The following SDK1 variants were observed in gnomAD, a reference collection of about 807,000 sequenced individuals.
SDK1 encodes sidekick cell adhesion molecule 1, also known as protein sidekick-1.
In SDK1, 157 loss-of-function variants were observed where a neutral mutation model predicts 245.5. The ratio of observed to expected loss-of-function variants is 0.64; its 90% CI spans 0.56 to 0.73. The LOEUF is 0.73. Ranked by LOEUF, SDK1 falls within the 30% of genes least tolerant of loss-of-function variation. The pLI is 0.00. For synonymous variants in SDK1, 1,647 were observed against 1,278.5 expected, an observed-to-expected ratio of 1.29 and a Z score of -6.15; for missense variants, 3,583 against 3,002.3, an observed-to-expected ratio of 1.19 and a Z score of -4.52.
At position 4,051,848 on chromosome 7, in the gene SDK1, C is replaced by A. The variant is rs201584261; in HGVS notation, c.2911+18C>A. On this transcript the variant is annotated intron_variant, in intron 19 of 44. Coordinates refer to ENST00000404826, the MANE Select transcript of SDK1 (RefSeq NM_152744.4). ...GGAAGACAGTGAGTATTCCTTTCTG[C>A]GTGTCTCTTAAGTCACTTGTCAAAG... 1 of 1,596,156 alleles carries A rather than the reference C, an allele frequency of 6.3e-7. No individual in the cohort carries two copies. Among genetic ancestry groups the A allele is most frequent in the Non-Finnish European group, 8.6e-7 (1 of 1,167,708 alleles).
At chr7:3,489,691 A>T (rs527614504) in intron 1 of SDK1, among the ~76,000 whole-genome samples, 2 of 152,224 alleles carry the variant, frequency 1.3e-5, no homozygotes, top group Non-Finnish European at 2.9e-5. Flanking sequence ...GAAAGTTTCT[A>T]ATGTGAAAAA....
intron 2 of SDK1, among the ~76,000 whole-genome samples, chr7:3,624,347 C>A (rs773065268): frequency 6.6e-6 from 1 of 152,062 alleles, no homozygotes; most frequent in Non-Finnish European, 1.5e-5. Flanking sequence ...CCATGGGACC[C>A]ACCAGCACAC....
In SDK1 at chr7:4,069,220, T is replaced by C. The variant is rs114574658; in HGVS notation, c.3010+1284T>C. Among the ~76,000 whole-genome samples, 1,314 of 152,342 alleles carry C rather than the reference T, an allele frequency of 8.6e-3. 17 individuals are homozygous for C. The highest frequency in any genetic ancestry group is 0.031 in the South Asian group (150 of 4,830). On this transcript the variant is annotated intron_variant, in intron 20 of 44. Coordinates refer to ENST00000404826, the MANE Select transcript of SDK1 (RefSeq NM_152744.4). The stretch of plus-strand genomic sequence containing the variant: ...GGATCCTCAGTTACAACTGAGGGGC[T>C]GTCAGGAGGACGAGTTGAGAGAAGT...
At chr7:3,464,694 G>GTATATATA (rs1408954827) in intron 1 of SDK1, among the ~76,000 whole-genome samples, 428 of 131,606 alleles carry the variant, frequency 3.3e-3, no homozygotes, top group South Asian at 5.3e-3. Context: ...CATTGTGTAT[G>GTATATATA]TATGTATATA....
chr7:3,454,277 CT>C (rs1780606384), intron 1 of SDK1, among the ~76,000 whole-genome samples: 1 of 152,092 alleles, frequency 6.6e-6, no homozygotes, highest in Admixed American at 6.6e-5. Flanking sequence ...AATCAACTCA[CT>C]TTCTAGAGTT....
At chr7:3,804,359 A>G (rs1263418144) in intron 4 of SDK1, among the ~76,000 whole-genome samples, 1 of 152,102 alleles carries the variant, frequency 6.6e-6, no homozygotes, top group Non-Finnish European at 1.5e-5. Flanking sequence ...CTTCCTTCAC[A>G]GATTGGTTTT....
chr7:3,419,741 A>G (rs368739267), intron 1 of SDK1, among the ~76,000 whole-genome samples: 6 of 152,200 alleles, frequency 3.9e-5, no homozygotes, highest in African/African-American at 1.4e-4. Flanking sequence ...CTACCTGTGT[A>G]TTCATCAAGT....
intron 1 of SDK1, among the ~76,000 whole-genome samples, chr7:3,605,470 T>C (rs138861355): frequency 5.3e-5 from 8 of 152,234 alleles, no homozygotes; most frequent in African/African-American, 1.7e-4. Context: ...CCTTCCTGTT[T>C]ACTAATAATG....
Position 4,101,291 on chromosome 7 carries a change from G to A in SDK1, c.3325-9372G>A, listed in dbSNP as rs10252582. On this transcript the variant is annotated intron_variant, in intron 22 of 44. Coordinates refer to ENST00000404826, the MANE Select transcript of SDK1 (RefSeq NM_152744.4). The stretch of plus-strand genomic sequence containing the variant: ...TGAATAGCTGGGACTACAGGTGCCC[G>A]CCACCACACCACGCCCGGCTAATTT... 4.7e-4 allele frequency among the ~76,000 whole-genome samples: 72 copies of A among 152,034 alleles called. 2 individuals are homozygous for A. Among genetic ancestry groups the A allele is most frequent in the African/African-American group, 1.5e-3 (64 of 41,472 alleles).
chr7:4,220,874 G>A (rs1315216608), intron 39 of SDK1, among the ~76,000 whole-genome samples: 2 of 151,322 alleles, frequency 1.3e-5, no homozygotes, highest in African/African-American at 4.9e-5. Flanking sequence ...CCCGGCTGAA[G>A]CGATACCCCC....
At chr7:4,127,237 CCTGTAGGTTTAAT>C in intron 25 of SDK1, 131 bp from the exon 26 acceptor site, 1 of 669,066 alleles carries the variant, frequency 1.5e-6, no homozygotes, top group Non-Finnish European at 2.7e-6. Context: ...CCGTTATACT[CCTGTAGGTTTAAT>C]CTGATCACTA....
chr7:3,690,589 G>T (rs535126815), intron 4 of SDK1, among the ~76,000 whole-genome samples: 1 of 152,240 alleles, frequency 6.6e-6, no homozygotes, highest in South Asian at 2.1e-4. Flanking sequence ...GATATTGATT[G>T]AATTATAAGA....
chr7:3,419,417 T>C (rs77749913), intron 1 of SDK1, among the ~76,000 whole-genome samples: 6,589 of 152,184 alleles, frequency 0.043, 430 homozygotes, highest in African/African-American at 0.14. Context: ...TCCCTGACAC[T>C]AGAGCACCTG....
Position 4,129,907 on chromosome 7 carries a change from G to C in SDK1, c.3940-1G>C, listed in dbSNP as rs1156403359. 1 of 1,613,420 alleles carries C rather than the reference G, an allele frequency of 6.2e-7. No homozygotes were observed. The highest frequency in any genetic ancestry group is 8.5e-7 in the Non-Finnish European group (1 of 1,179,880). Reference sequence around the variant, plus strand: ...ACCCTCGTGCTGTGTCGATACCACAGATCCTGTTCCGGGCCAAAGACCTGG... The same window carrying C: ...ACCCTCGTGCTGTGTCGATACCACACATCCTGTTCCGGGCCAAAGACCTGG... On this transcript the variant is annotated splice_acceptor_variant, in intron 26 of 44. Coordinates refer to ENST00000404826, the MANE Select transcript of SDK1 (RefSeq NM_152744.4). LOFTEE classifies it high-confidence loss of function.
At chr7:4,043,649 A>G (rs1788805645) in intron 17 of SDK1, among the ~76,000 whole-genome samples, 1 of 152,216 alleles carries the variant, frequency 6.6e-6, no homozygotes. Context: ...TGACGTGAGG[A>G]TTGTGCTGCA....
chr7:3,315,415 C>T (rs1012521195), intron 1 of SDK1, among the ~76,000 whole-genome samples: 4 of 152,158 alleles, frequency 2.6e-5, no homozygotes, highest in African/African-American at 9.7e-5. Context: ...GAGTGCACCC[C>T]TGTCTCTGGA....
chr7:3,518,097 TA>T (rs1471883497), intron 1 of SDK1, among the ~76,000 whole-genome samples: 2 of 152,168 alleles, frequency 1.3e-5, no homozygotes, highest in Non-Finnish European at 2.9e-5. Context: ...TTATAGTTTT[TA>T]TGTTTGTTTC....
intron 4 of SDK1, among the ~76,000 whole-genome samples, chr7:3,658,100 C>A (rs1219728501): frequency 6.6e-6 from 1 of 152,180 alleles, no homozygotes; most frequent in Non-Finnish European, 1.5e-5. Flanking sequence ...CTGTAGAGTG[C>A]AGGTGATAAC....
intron 5 of SDK1, among the ~76,000 whole-genome samples, chr7:3,861,769 G>C (rs1001135464): frequency 7.9e-5 from 12 of 152,176 alleles, no homozygotes; most frequent in African/African-American, 2.9e-4. Flanking sequence ...ATGGCTTGTG[G>C]ACTAATTTTA....
Sources: allele counts gnomAD v4.1 joint callset (sites outside exome capture counted in the v4.1 genomes callset), GRCh38; gene constraint gnomAD v4.1.1; transcripts MANE v1.5; gene names NCBI Gene and HGNC (gene_info 2026-07-23, HGNC 2026-07-21).